Variants in MDN1 observed in about 807,000 individuals in gnomAD.
MDN1 encodes the protein midasin AAA ATPase 1, also known as midasin.
MDN1 carries 266 observed loss-of-function variants against 669.2 expected under a neutral mutation model. The ratio of observed to expected loss-of-function variants is 0.40; its 90% CI spans 0.36 to 0.44. The LOEUF is 0.44. Among genes scored for constraint, MDN1 ranks in the 20% least tolerant of loss-of-function variants. The probability of loss-of-function intolerance (pLI) is 1.00; values close to 1 mark genes in which losing one functional copy is unlikely to be tolerated. For synonymous variants in MDN1, 2,385 were observed against 2,457.1 expected, an observed-to-expected ratio of 0.97 and a Z score of 0.87; for missense variants, 5,940 against 6,754.0, an observed-to-expected ratio of 0.88 and a Z score of 4.22.
chr6:89,745,511 T>G lies in MDN1; in HGVS notation c.4020A>C (p.Glu1340Asp). ...KLCPQSLFSK[E>D]NVLKLLGKLS... Reference sequence around the variant, plus strand: ...ACTCACCCAGCAATTTTAGAACATTTTCTTTGGAGAAAAGAGATTGAGGAC... The same window carrying G: ...ACTCACCCAGCAATTTTAGAACATTGTCTTTGGAGAAAAGAGATTGAGGAC... The change falls in exon 28 of 102, where the codon GAA (glutamate) becomes GAC (aspartate). Residue 1340 changes from glutamate to aspartate, a missense_variant. By Grantham distance (45) the Glu-to-Asp change is conservative (BLOSUM62 2). Coordinates refer to ENST00000369393, the MANE Select transcript of MDN1 (RefSeq NM_014611.3). 1 of 1,614,160 alleles carries G rather than the reference T, an allele frequency of 6.2e-7. No homozygotes were observed. The highest frequency in any genetic ancestry group is 1.7e-5 in the Admixed American group (1 of 60,016).
chr6:89,723,150 A>C lies in MDN1; in HGVS notation c.5779-7T>G. 1 of 1,613,474 alleles carries C rather than the reference A, an allele frequency of 6.2e-7. No individual in the cohort carries two copies. The highest frequency in any genetic ancestry group is 1.3e-5 in the African/African-American group (1 of 75,012). On this transcript the variant is annotated splice_region_variant and splice_polypyrimidine_tract_variant and intron_variant, in intron 39 of 101. Transcript: ENST00000369393. ...CAGTCACTTCATGATCAATCTAGAA[A>C]GAAAACATCCTGATTGGGAAACATG...
chr6:89,809,784 TAAATAAAATA>T (rs58439361), intron 1 of MDN1, among the ~76,000 whole-genome samples: 15,742 of 112,426 alleles, frequency 0.14, 1,080 homozygotes, highest in African/African-American at 0.18. Context: ...TCAAAATAAA[TAAATAAAATA>T]AAATAAAATA....
rs770689428 is a variant in MDN1 at position 89,701,574 on chromosome 6, C to T, written c.8411G>A (p.Arg2804Gln). The T allele has an allele frequency of 5.0e-6, 8 of 1,613,932 alleles. No homozygotes were observed. The highest frequency in any genetic ancestry group is 2.2e-5 in the South Asian group (2 of 91,046). The change falls in exon 55 of 102, where the codon CGA becomes CAA. Residue 2804 changes from arginine to glutamine, a missense_variant. Physicochemically the swap from Arg to Gln is conservative, Grantham distance 43. Coordinates refer to ENST00000369393, the MANE Select transcript of MDN1 (RefSeq NM_014611.3). ...CAGGTGTACCTTAAAAGGAAACGGTCGTCCCAGGAACTTCTGCAACTTCTT... is the reference window on the plus strand; with the variant it reads ...CAGGTGTACCTTAAAAGGAAACGGTTGTCCCAGGAACTTCTGCAACTTCTT... Reference protein sequence around the residue: ...GIKKLQKFLGRPFPFKDKLVV... With the variant: ...GIKKLQKFLGQPFPFKDKLVV...
At chr6:89,692,336 C>T (rs1321934686) in intron 63 of MDN1, 107 bp downstream of exon 63, 31 of 983,076 alleles carry the variant, frequency 3.2e-5, no homozygotes, top group South Asian at 1.2e-4. Context: ...CACGCCCCAA[C>T]GACACTGTGT....
At chr6:89,727,006 G>C (rs966282734) in intron 37 of MDN1, among the ~76,000 whole-genome samples, 7 of 152,032 alleles carry the variant, frequency 4.6e-5, no homozygotes, top group Non-Finnish European at 1.0e-4. Context: ...ACTAAGTATG[G>C]TCAGTAGCCT....
intron 5 of MDN1, among the ~76,000 whole-genome samples, chr6:89,793,493 C>T (rs1819390156): frequency 6.6e-6 from 1 of 152,130 alleles, no homozygotes; most frequent in Non-Finnish European, 1.5e-5. Context: ...TGGCATGATC[C>T]CTTGAGTCCA....
At chr6:89,810,762 C>A (rs1768363835) in intron 1 of MDN1, among the ~76,000 whole-genome samples, 1 of 152,130 alleles carries the variant, frequency 6.6e-6, no homozygotes, top group Non-Finnish European at 1.5e-5. Context: ...CTCTCGGAGG[C>A]TGAGGTGGAC....
At chr6:89,723,477 G>GA (rs760273382) in intron 39 of MDN1, 35 bp downstream of exon 39, 3,971 of 1,217,986 alleles carry the variant, frequency 3.3e-3, no homozygotes, top group South Asian at 4.0e-3. Context: ...AATACAGCCA[G>GA]AAAAAAAAAG....
intron 40 of MDN1, among the ~76,000 whole-genome samples, chr6:89,721,789 T>A (rs993405630): frequency 6.6e-6 from 1 of 152,074 alleles, no homozygotes; most frequent in African/African-American, 2.4e-5. Flanking sequence ...TTTTAATAAA[T>A]TTTTGCAATC....
Position 89,814,509 on chromosome 6 carries a change from C to A in MDN1, c.102+4997G>T, listed in dbSNP as rs1403815718. On this transcript the variant is annotated intron_variant, in intron 1 of 101. Transcript: ENST00000369393. Reference sequence around the variant, plus strand: ...ACAGTGCTGTGATGACAGGCATGAACCACCACATCTGGCCCAAAATATATA... The same window carrying A: ...ACAGTGCTGTGATGACAGGCATGAAACACCACATCTGGCCCAAAATATATA... Among the ~76,000 whole-genome samples, 4 of 151,668 alleles carry A rather than the reference C, an allele frequency of 2.6e-5. No homozygotes were observed. In the East Asian group the frequency reaches 7.8e-4, roughly 29 times the overall value.
chr6:89,768,043 A>C (rs1197634023), intron 15 of MDN1, among the ~76,000 whole-genome samples: 2 of 152,060 alleles, frequency 1.3e-5, no homozygotes, highest in Non-Finnish European at 2.9e-5. Context: ...GTCTCAAAAA[A>C]AAAACAAAAA....
At chr6:89,792,486 G>A (rs1819320543) in intron 5 of MDN1, among the ~76,000 whole-genome samples, 1 of 151,962 alleles carries the variant, frequency 6.6e-6, no homozygotes, top group Non-Finnish European at 1.5e-5. Context: ...ATCTAGGTTG[G>A]GATACTGGTT....
chr6:89,728,950 A>G lies in MDN1; in HGVS notation c.5330T>C (p.Ile1777Thr). Residue 1777 changes from isoleucine (I) to threonine (T), a missense_variant, in exon 36 of 102, where the codon ATC becomes ACC. Physicochemically the swap from Ile to Thr is moderately conservative, Grantham distance 89. Transcript: ENST00000369393. Reference sequence around the variant, plus strand: ...GCTTACCGTTTGCTCTGATAAGTTGATTCTAACAAGGGTATTTCCTGAAGC... The same window carrying G: ...GCTTACCGTTTGCTCTGATAAGTTGGTTCTAACAAGGGTATTTCCTGAAGC... ...AKASGNTLVRINLSEQTDITD... is the reference protein window; with the variant it reads ...AKASGNTLVRTNLSEQTDITD... 1 of 1,614,044 alleles carries G rather than the reference A, an allele frequency of 6.2e-7. No homozygotes were observed. The highest frequency in any genetic ancestry group is 8.5e-7 in the Non-Finnish European group (1 of 1,179,992).
At chr6:89,730,695 G>T in intron 35 of MDN1, 31 bp downstream of exon 35, 1 of 1,579,052 alleles carries the variant, frequency 6.3e-7, no homozygotes. Context: ...CTATAGAAAA[G>T]GAAAATTCAT....
chr6:89,658,848 G>A lies in MDN1; in HGVS notation c.14783C>T (p.Thr4928Ile). 6.2e-7 allele frequency: 1 copy of A among 1,614,124 alleles called. No homozygotes were observed. The highest frequency in any genetic ancestry group is 8.5e-7 in the Non-Finnish European group (1 of 1,180,030). The change falls in exon 89 of 102, where the codon ACC becomes ATC. Residue 4928 changes from threonine to isoleucine, a missense_variant. Coordinates refer to ENST00000369393, the MANE Select transcript of MDN1 (RefSeq NM_014611.3). Reference sequence around the variant, plus strand: ...CTGACTTTCGTTCTGGTCGGTCTCGGTCTCTCCTCTTTCCTCAGCTTCATG... The same window carrying A: ...CTGACTTTCGTTCTGGTCGGTCTCGATCTCTCCTCTTTCCTCAGCTTCATG... Reference protein sequence around the residue: ...AGHEAEERGETETDQNESQSP... With the variant: ...AGHEAEERGEIETDQNESQSP...
At chr6:89,802,073 G>A (rs1423649905) in intron 2 of MDN1, among the ~76,000 whole-genome samples, 1 of 152,198 alleles carries the variant, frequency 6.6e-6, no homozygotes, top group Non-Finnish European at 1.5e-5. Flanking sequence ...TAATCAAGGT[G>A]AAGAGAAAGC....
At chr6:89,659,990 C>T (rs1005153443) in intron 88 of MDN1, among the ~76,000 whole-genome samples, 4 of 152,062 alleles carry the variant, frequency 2.6e-5, no homozygotes, top group Admixed American at 1.3e-4. Flanking sequence ...CGGGTTCAAG[C>T]GATTCTCCTG....
intron 84 of MDN1, among the ~76,000 whole-genome samples, chr6:89,666,480 GGTTTTGTTTTTT>G (rs760334338): frequency 5.3e-5 from 8 of 151,478 alleles, no homozygotes; most frequent in Non-Finnish European, 7.4e-5. Context: ...GGCCAGGCTG[GGTTTTGTTTTTT>G]GTTTTGTTTT....
chr6:89,667,621 A>G (rs1810347958), intron 84 of MDN1, among the ~76,000 whole-genome samples: 1 of 152,234 alleles, frequency 6.6e-6, no homozygotes, highest in Admixed American at 6.5e-5. Context: ...TCTATGCCTT[A>G]AAGATATACA....
Sources: allele counts gnomAD v4.1 joint callset (sites outside exome capture counted in the v4.1 genomes callset), GRCh38; gene constraint gnomAD v4.1.1; transcripts MANE v1.5; gene names NCBI Gene and HGNC (gene_info 2026-07-23, HGNC 2026-07-21).